Variants in MTMR1 observed in about 807,000 individuals in gnomAD.
The protein encoded by MTMR1 is phosphatidylinositol-3-phosphate phosphatase MTMR1.
MTMR1 carries 17 observed loss-of-function variants against 51.6 expected under a neutral mutation model. The ratio of observed to expected loss-of-function variants is 0.33; its 90% CI spans 0.23 to 0.49. MTMR1 has a LOEUF of 0.49. Ranked by LOEUF, MTMR1 falls within the 20% of genes least tolerant of loss-of-function variation. The probability of loss-of-function intolerance (pLI) is 0.99; values close to 1 mark genes in which losing one functional copy is unlikely to be tolerated. For missense variants in MTMR1, 386 were observed against 526.9 expected (o/e 0.73, Z 2.62); for synonymous variants, 201 against 205.6 (o/e 0.98, Z 0.19).
intron 15 of MTMR1, among the ~76,000 whole-genome samples, chrX:150,760,331 G>A (rs1292893916): frequency 1.0e-5 from 1 of 98,526 alleles, no homozygotes; most frequent in Non-Finnish European, 2.3e-5. Context: ...AGGGAGTGCA[G>A]GGGGGTAAAC....
Position 150,762,718 on chromosome X carries a change from A to C in MTMR1, c.2011A>C (p.Thr671Pro). The change falls in exon 16 of 16, where the codon ACC (threonine) becomes CCC (proline). Residue 671 changes from threonine (T) to proline (P), a missense_variant. Coordinates refer to ENST00000445323, the MANE Select transcript of MTMR1 (RefSeq NM_001306144.3). The stretch of plus-strand genomic sequence containing the variant: ...CTCCCACTCCGCCACCTCCGTCCAC[A>C]CCTCGGTCTGATGGGCGAGGTCAGC... ...SPSHSATSVH[T>P]SV 8.6e-7 allele frequency: 1 copy of C among 1,163,172 alleles called. No individual in the cohort carries two copies. The highest frequency in any genetic ancestry group is 1.1e-6 in the Non-Finnish European group (1 of 869,908).
At chrX:150,756,403 G>T (rs2042903953) in intron 15 of MTMR1, among the ~76,000 whole-genome samples, 1 of 111,793 alleles carries the variant, frequency 8.9e-6, no homozygotes. Flanking sequence ...TTAGAGAATG[G>T]TGCACTACAG....
chrX:150,761,791 A>G (rs1021971260), intron 15 of MTMR1, among the ~76,000 whole-genome samples: 1 of 112,684 alleles, frequency 8.9e-6, no homozygotes, highest in East Asian at 2.8e-4. Context: ...CTGGCCTCCT[A>G]GTAGCTGCTG....
chrX:150,746,543 C>A (rs1334322903), intron 13 of MTMR1, among the ~76,000 whole-genome samples: 1 of 112,469 alleles, frequency 8.9e-6, no homozygotes, highest in Non-Finnish European at 1.9e-5. Context: ...AGAAAAATTG[C>A]ATAAAAAGGT....
At chrX:150,698,823 T>C (rs1186717188) in intron 1 of MTMR1, among the ~76,000 whole-genome samples, 1 of 108,895 alleles carries the variant, frequency 9.2e-6, no homozygotes, top group African/African-American at 3.4e-5. Flanking sequence ...TGAGCTGAGA[T>C]TGCACCACTG....
intron 13 of MTMR1, among the ~76,000 whole-genome samples, chrX:150,745,459 TCAC>T (rs1557417433): frequency 2.7e-5 from 3 of 111,920 alleles, no homozygotes; most frequent in Non-Finnish European, 5.6e-5. Flanking sequence ...CGCAGCCTTA[TCAC>T]CATCAGCCCA....
intron 12 of MTMR1, among the ~76,000 whole-genome samples, chrX:150,739,864 T>C (rs1427122796): frequency 8.9e-6 from 1 of 112,016 alleles, no homozygotes; most frequent in Non-Finnish European, 1.9e-5. Context: ...CACAGCTAGT[T>C]AGGGTGGAGC....
Position 150,736,788 on chromosome X carries a change from G to A in MTMR1, c.1266+8G>A. The A allele has an allele frequency of 8.5e-7, 1 of 1,181,713 alleles. No homozygotes were observed. The highest frequency in any genetic ancestry group is 1.1e-6 in the Non-Finnish European group (1 of 878,923). ...TGGCTGGAATATATAAGGGTAAAGA[G>A]ATCCAGCACTTTATATGCTTTCCAG... On this transcript the variant is annotated splice_region_variant and intron_variant, in intron 11 of 15. Transcript: ENST00000445323.
chrX:150,712,897 G>T, intron 3 of MTMR1: 1 of 862,461 alleles, frequency 1.2e-6, no homozygotes. Flanking sequence ...AGATATAGTG[G>T]GTTACAGCTT....
intron 3 of MTMR1, among the ~76,000 whole-genome samples, chrX:150,716,410 C>A (rs1321662245): frequency 8.0e-5 from 9 of 112,397 alleles, no homozygotes; most frequent in Non-Finnish European, 1.1e-4. Context: ...TGCTTTATTG[C>A]ATAAAATATA....
At chrX:150,726,611 T>G (rs1308361607) in intron 4 of MTMR1, among the ~76,000 whole-genome samples, 3 of 112,365 alleles carry the variant, frequency 2.7e-5, no homozygotes, top group African/African-American at 9.7e-5. Context: ...GGAATGGCAC[T>G]TTGGGAAAAC....
At chrX:150,751,150 A>T in intron 14 of MTMR1, 1 of 938,960 alleles carries the variant, frequency 1.1e-6, no homozygotes, top group Non-Finnish European at 1.4e-6. Context: ...AAACCGTGGG[A>T]TTCTGCTTTT....
In MTMR1 at chrX:150,727,840, A is replaced by G. The variant is rs201214219; in HGVS notation, c.555+49A>G. The G allele has an allele frequency of 1.6e-4, 147 of 936,092 alleles. 1 individual carries two copies. The African/African-American group carries it at 2.3e-3, about 15-fold the overall frequency. 77.1% of individuals were successfully genotyped at this position (936,092 alleles called of 1,213,427 possible). On this transcript the variant is annotated intron_variant, in intron 6 of 15. Transcript: ENST00000445323. ...AACTAAAAGAGGGCAATCAGCTCTGAACTTTTTCTCCCTCAGTCTCTTCAT... is the reference window on the plus strand; with the variant it reads ...AACTAAAAGAGGGCAATCAGCTCTGGACTTTTTCTCCCTCAGTCTCTTCAT...
intron 14 of MTMR1, among the ~76,000 whole-genome samples, chrX:150,752,121 T>C (rs2148664928): frequency 9.1e-6 from 1 of 110,049 alleles, no homozygotes; most frequent in South Asian, 3.9e-4. Context: ...TTTCGCCATG[T>C]TGGGCAGGCT....
intron 4 of MTMR1, among the ~76,000 whole-genome samples, chrX:150,723,809 C>T (rs1399250344): frequency 3.6e-5 from 4 of 111,735 alleles, no homozygotes; most frequent in Admixed American, 9.5e-5. Flanking sequence ...ATTTAGCTCC[C>T]ACTTATAAGT....
In MTMR1 at chrX:150,740,276, C is replaced by T. The variant is rs147012265; in HGVS notation, c.1473+2828C>T. On this transcript the variant is annotated intron_variant, in intron 12 of 15. Transcript: ENST00000445323. ...AGCCAGGGTTCCTTCTCACAATGCCCGCCCCCCCACAATCTGGTCGTGTCA... is the reference window on the plus strand; with the variant it reads ...AGCCAGGGTTCCTTCTCACAATGCCTGCCCCCCCACAATCTGGTCGTGTCA... 3.7e-3 allele frequency among the ~76,000 whole-genome samples: 408 copies of T among 111,515 alleles called. 3 individuals are homozygous for T. Among genetic ancestry groups the T allele is most frequent in the African/African-American group, 0.012 (365 of 30,503 alleles).
At chrX:150,737,569 T>A (rs1177644174) in intron 12 of MTMR1, 121 bp downstream of exon 12, 6 of 553,784 alleles carry the variant, frequency 1.1e-5, no homozygotes, top group Admixed American at 1.0e-4. Flanking sequence ...CTCTTCTGTA[T>A]CATATCAGAC....
chrX:150,699,255 G>A lies in MTMR1; in HGVS notation c.207G>A (p.Gln69=). The A allele has an allele frequency of 8.3e-7, 1 of 1,205,918 alleles. No individual in the cohort carries two copies. The highest frequency in any genetic ancestry group is 1.1e-6 in the Non-Finnish European group (1 of 891,850). The change falls in exon 2 of 16, where the codon CAG becomes CAA. Residue 69 remains glutamine (Q), a synonymous_variant. Coordinates refer to ENST00000445323, the MANE Select transcript of MTMR1 (RefSeq NM_001306144.3). ...TTATAGCTGCTACAATTTCTAGTCA[G>A]ATTTCAGGTTCAGTGACATCAGAAA... The part of the protein sequence containing the change: ...KQLIAATISS[Q]ISGSVTSENV...
chrX:150,756,350 C>T (rs782234984), intron 15 of MTMR1, among the ~76,000 whole-genome samples: 5 of 111,850 alleles, frequency 4.5e-5, no homozygotes, highest in Non-Finnish European at 7.5e-5. Context: ...TGCCCCTCCC[C>T]ACCACACTTT....
Sources: gnomAD v4.1 joint callset for allele counts (sites outside exome capture counted in the v4.1 genomes callset) on GRCh38, gnomAD v4.1.1 for gene constraint, MANE v1.5 for transcripts, NCBI Gene and HGNC (gene_info 2026-07-23, HGNC 2026-07-21) for gene names.